The following FRMPD4 variants were observed in gnomAD, a reference collection of about 807,000 sequenced individuals.
FRMPD4 encodes FERM and PDZ domain containing 4, also known as FERM and PDZ domain-containing protein 4.
A neutral mutation model predicts 94.1 loss-of-function variants in FRMPD4; 22 were observed. The ratio of observed to expected loss-of-function variants is 0.23; its 90% CI spans 0.17 to 0.33. The LOEUF is 0.33. FRMPD4 is among the 10% of genes least tolerant of loss of function. The pLI is 1.00. For missense variants in FRMPD4, 1,111 were observed against 1,339.9 expected, an observed-to-expected ratio of 0.83 and a Z score of 2.67; for synonymous variants, 631 against 548.6, an observed-to-expected ratio of 1.15 and a Z score of -2.10.
intron 4 of FRMPD4, among the ~76,000 whole-genome samples, chrX:12,640,502 T>G (rs1456004781): frequency 9.0e-6 from 1 of 111,149 alleles, no homozygotes; most frequent in Admixed American, 9.6e-5. Flanking sequence ...CAAGGCTATT[T>G]TAGGCATCTG....
At chrX:12,694,254 A>G in intron 8 of FRMPD4, 81 bp from the exon 9 acceptor site, 1 of 781,911 alleles carries the variant, frequency 1.3e-6, no homozygotes, top group South Asian at 2.6e-5. Flanking sequence ...AGTGTCCAAA[A>G]AAAGTCGACT....
At chrX:12,541,298 G>A (rs1388263176) in intron 2 of FRMPD4, among the ~76,000 whole-genome samples, 1 of 111,329 alleles carries the variant, frequency 9.0e-6, no homozygotes, top group African/African-American at 3.3e-5. Context: ...AATGAATCCA[G>A]GGGCTGGTTT....
intron 3 of FRMPD4, among the ~76,000 whole-genome samples, chrX:12,109,222 C>G (rs1438835376): frequency 8.9e-6 from 1 of 111,859 alleles, no homozygotes; most frequent in East Asian, 2.8e-4. Flanking sequence ...TAACAAACTG[C>G]CTCTCAGACA....
At chrX:12,218,321 C>T (rs746937326) in intron 1 of FRMPD4, among the ~76,000 whole-genome samples, 4 of 111,644 alleles carry the variant, frequency 3.6e-5, no homozygotes, top group East Asian at 2.8e-4. Context: ...GCTATAACAA[C>T]GAAATATTAG....
chrX:12,538,934 G>A (rs970653850), intron 2 of FRMPD4, among the ~76,000 whole-genome samples: 1 of 112,244 alleles, frequency 8.9e-6, no homozygotes, highest in African/African-American at 3.2e-5. Flanking sequence ...GGAGCTGGAT[G>A]GAGAATGACT....
At chrX:12,021,954 C>T (rs1424515927) in intron 3 of FRMPD4, among the ~76,000 whole-genome samples, 2 of 112,247 alleles carry the variant, frequency 1.8e-5, no homozygotes, top group Non-Finnish European at 3.8e-5. Context: ...ACAGCCTCTG[C>T]TCTGGTGCTA....
chrX:12,068,953 A>G (rs1209696986), intron 3 of FRMPD4, among the ~76,000 whole-genome samples: 1 of 112,314 alleles, frequency 8.9e-6, no homozygotes, highest in Non-Finnish European at 1.9e-5. Context: ...ACAATAAACA[A>G]ATAGACAAAT....
intron 1 of FRMPD4, among the ~76,000 whole-genome samples, chrX:12,472,147 T>G (rs1298608272): frequency 8.9e-6 from 1 of 112,082 alleles, no homozygotes; most frequent in Non-Finnish European, 1.9e-5. Context: ...TACTGGCCAT[T>G]GGTAAGCTGC....
intron 1 of FRMPD4, among the ~76,000 whole-genome samples, chrX:12,254,160 G>C (rs2054083363): frequency 8.9e-6 from 1 of 112,060 alleles, no homozygotes; most frequent in Non-Finnish European, 1.9e-5. Context: ...TGAATATGTA[G>C]AGAAACAATT....
intron 2 of FRMPD4, among the ~76,000 whole-genome samples, chrX:12,544,655 G>T (rs1453383805): frequency 9.0e-6 from 1 of 111,396 alleles, no homozygotes; most frequent in African/African-American, 3.3e-5. Flanking sequence ...TACCAACTGT[G>T]ATTTTATCCC....
chrX:12,140,671 G>T (rs144954407), intron 1 of FRMPD4, among the ~76,000 whole-genome samples: 5,454 of 111,956 alleles, frequency 0.049, 313 homozygotes, highest in African/African-American at 0.17. Context: ...AACATCTAGA[G>T]CCTCGATTTA....
intron 1 of FRMPD4, among the ~76,000 whole-genome samples, chrX:11,823,501 C>A (rs1470587356): frequency 1.8e-5 from 2 of 110,511 alleles, no homozygotes; most frequent in Non-Finnish European, 3.8e-5. Flanking sequence ...ATCTATATTT[C>A]TTTTCTTTTC....
chrX:12,288,650 A>G lies in FRMPD4; in HGVS notation c.41+149638A>G, dbSNP rs779601536. ...CAGAATTTCCCTGCCTTTTTTCTTTATAATTTTTCTCTGCCAAGATGTAGC... is the reference window on the plus strand; with the variant it reads ...CAGAATTTCCCTGCCTTTTTTCTTTGTAATTTTTCTCTGCCAAGATGTAGC... On this transcript the variant is annotated intron_variant, in intron 1 of 16. Coordinates refer to ENST00000675598, the MANE Select transcript of FRMPD4 (RefSeq NM_001368397.1). 8.1e-5 allele frequency among the ~76,000 whole-genome samples: 9 copies of G among 111,679 alleles called. No homozygotes were observed. The South Asian group carries it at 3.0e-3, about 37-fold the overall frequency.
chrX:11,912,401 C>T (rs1453779927), intron 3 of FRMPD4, among the ~76,000 whole-genome samples: 1 of 112,277 alleles, frequency 8.9e-6, no homozygotes, highest in African/African-American at 3.2e-5. Context: ...CACAATGAAC[C>T]GACAGTTTGA....
rs776853419 is a variant in FRMPD4, at chrX:12,716,565, T to A, written c.2106T>A (p.Thr702=). The A allele has an allele frequency of 8.3e-7, 1 of 1,210,572 alleles. No individual in the cohort carries two copies. ...ATGACATGAAGGGCCTGGATCTCACTCCAGAGGCAGAGGGCATCCAGTTTG... is the reference window on the plus strand; with the variant it reads ...ATGACATGAAGGGCCTGGATCTCACACCAGAGGCAGAGGGCATCCAGTTTG... ...SANDMKGLDL[T]PEAEGIQFVE... is the part of the protein sequence containing the mutation. The change falls in exon 15 of 17, where the codon ACT becomes ACA. Residue 702 remains threonine (T), a synonymous_variant. Transcript: ENST00000675598.
intron 2 of FRMPD4, among the ~76,000 whole-genome samples, chrX:11,871,370 G>A (rs1457996447): frequency 3.6e-5 from 4 of 112,032 alleles, no homozygotes; most frequent in Non-Finnish European, 7.5e-5. Flanking sequence ...ATTGTGATTC[G>A]TCTAGTAGCA....
In FRMPD4 at chrX:12,187,886, G is replaced by A. The variant is rs757121839; in HGVS notation, c.41+48874G>A. Among the ~76,000 whole-genome samples, 4 of 111,610 alleles carry A rather than the reference G, an allele frequency of 3.6e-5. No individual in the cohort carries two copies. In the East Asian group the frequency reaches 1.1e-3, roughly 32 times the overall value. ...GAACGACACTGTTCTAGATCATAAG[G>A]ACCCAAGCACCTTCAGACTGCAAAC... is the stretch of plus-strand genomic sequence containing the variant. On this transcript the variant is annotated intron_variant, in intron 1 of 16. Coordinates refer to ENST00000675598, the MANE Select transcript of FRMPD4 (RefSeq NM_001368397.1).
chrX:12,660,722 A>T (rs1219440350), intron 4 of FRMPD4, among the ~76,000 whole-genome samples: 3 of 112,415 alleles, frequency 2.7e-5, no homozygotes, highest in African/African-American at 9.7e-5. Flanking sequence ...TAATTAATAT[A>T]AATAATTGGT....
chrX:11,934,170 C>T (rs752422729), intron 3 of FRMPD4, among the ~76,000 whole-genome samples: 1 of 112,197 alleles, frequency 8.9e-6, no homozygotes. Context: ...CCATTGCATA[C>T]TTACTGGGTC....
Sources: gnomAD v4.1 joint callset for allele counts (sites outside exome capture counted in the v4.1 genomes callset) on GRCh38, gnomAD v4.1.1 for gene constraint, MANE v1.5 for transcripts, NCBI Gene and HGNC (gene_info 2026-07-23, HGNC 2026-07-21) for gene names.